The following STT3B variants were observed in gnomAD, a reference collection of about 807,000 sequenced individuals.
STT3B encodes the protein STT3 oligosaccharyltransferase complex catalytic subunit B, also known as dolichyl-diphosphooligosaccharide--protein glycosyltransferase subunit STT3B.
STT3B carries 29 observed loss-of-function variants against 96.8 expected under a neutral mutation model. The observed-to-expected ratio is 0.30, with a 90% CI of 0.22 to 0.41. The LOEUF (loss-of-function observed/expected upper bound fraction) is 0.41. Among genes scored for constraint, STT3B ranks in the 10% least tolerant of loss-of-function variants. STT3B has a pLI of 1.00. For synonymous variants in STT3B, 367 were observed against 360.0 expected, an observed-to-expected ratio of 1.02 and a Z score of -0.22; for missense variants, 640 against 1,022.3, an observed-to-expected ratio of 0.63 and a Z score of 5.10.
chr3:31,607,545 G>A (rs1699080597), intron 5 of STT3B, among the ~76,000 whole-genome samples: 1 of 152,032 alleles, frequency 6.6e-6, no homozygotes, highest in South Asian at 2.1e-4. Flanking sequence ...TTGATTGTGA[G>A]GCCTCCTCAG....
intron 1 of STT3B, among the ~76,000 whole-genome samples, chr3:31,553,060 C>T (rs1697606954): frequency 6.7e-6 from 1 of 149,392 alleles, no homozygotes; most frequent in Admixed American, 6.6e-5. Flanking sequence ...CGAGATCGCG[C>T]CACTGCACTC....
At chr3:31,537,855 A>G (rs528127933) in intron 1 of STT3B, among the ~76,000 whole-genome samples, 4 of 152,208 alleles carry the variant, frequency 2.6e-5, no homozygotes, top group South Asian at 2.1e-4. Flanking sequence ...AAATGTTAAC[A>G]TTTATCTTTA....
chr3:31,541,795 C>T (rs533262817), intron 1 of STT3B, among the ~76,000 whole-genome samples: 225 of 152,168 alleles, frequency 1.5e-3, no homozygotes, highest in African/African-American at 5.3e-3. Context: ...CCAGGATGGT[C>T]TCGAACTCCT....
intron 3 of STT3B, among the ~76,000 whole-genome samples, chr3:31,584,636 G>A (rs1453995191): frequency 1.3e-5 from 2 of 152,028 alleles, no homozygotes; most frequent in South Asian, 2.1e-4. Flanking sequence ...GGATGGAATG[G>A]TAAAACATTC....
intron 5 of STT3B, among the ~76,000 whole-genome samples, chr3:31,608,029 C>T (rs916094376): frequency 2.6e-5 from 4 of 152,092 alleles, no homozygotes; most frequent in African/African-American, 9.7e-5. Flanking sequence ...GTATTGAAAA[C>T]AATAAGAGGC....
chr3:31,628,393 A>AT (rs1699581081), intron 13 of STT3B, among the ~76,000 whole-genome samples: 1 of 152,104 alleles, frequency 6.6e-6, no homozygotes, highest in Non-Finnish European at 1.5e-5. Flanking sequence ...AGTACGTTGC[A>AT]TTTTTTGTGT....
At chr3:31,548,523 G>A (rs1240645146) in intron 1 of STT3B, among the ~76,000 whole-genome samples, 1 of 152,062 alleles carries the variant, frequency 6.6e-6, no homozygotes, top group Admixed American at 6.6e-5. Context: ...TCTCTGAGGA[G>A]TTTAATGCAT....
intron 1 of STT3B, among the ~76,000 whole-genome samples, chr3:31,572,106 A>G (rs1296152630): frequency 1.4e-5 from 2 of 141,702 alleles, no homozygotes; most frequent in Admixed American, 7.2e-5. Flanking sequence ...TATTAAATAT[A>G]TATATTATAT....
At chr3:31,615,309 A>G in intron 6 of STT3B, 106 bp downstream of exon 6, 1 of 777,012 alleles carries the variant, frequency 1.3e-6, no homozygotes, top group South Asian at 1.9e-5. Context: ...TGCAATGACA[A>G]CCAAAGTAAT....
At chr3:31,627,270 C>T (rs1426772829) in intron 13 of STT3B, among the ~76,000 whole-genome samples, 3 of 152,182 alleles carry the variant, frequency 2.0e-5, no homozygotes, top group African/African-American at 7.2e-5. Context: ...CATAGGAGTA[C>T]AAACCCTATC....
At chr3:31,587,456 C>G (rs1698567498) in intron 3 of STT3B, among the ~76,000 whole-genome samples, 3 of 151,950 alleles carry the variant, frequency 2.0e-5, no homozygotes, top group Admixed American at 2.0e-4. Flanking sequence ...ATTGCTCAGG[C>G]TGGTCTTAAA....
intron 1 of STT3B, among the ~76,000 whole-genome samples, chr3:31,541,478 T>TG (rs1160378254): frequency 2.6e-5 from 4 of 151,716 alleles, no homozygotes; most frequent in African/African-American, 9.7e-5. Context: ...TTTTGTTTTT[T>TG]TTTTTTTTTG....
chr3:31,544,490 G>T (rs1439854242), intron 1 of STT3B, among the ~76,000 whole-genome samples: 1 of 152,126 alleles, frequency 6.6e-6, no homozygotes, highest in Non-Finnish European at 1.5e-5. Context: ...TTTAGTTATA[G>T]AATCATTCCA....
chr3:31,579,937 T>C lies in STT3B; in HGVS notation c.552T>C (p.Ser184=). The C allele has an allele frequency of 6.2e-7, 1 of 1,613,962 alleles. No individual in the cohort carries two copies. Among genetic ancestry groups the C allele is most frequent in the Non-Finnish European group, 8.5e-7 (1 of 1,179,876 alleles). The change falls in exon 3 of 16, where the codon TCT becomes TCC. Residue 184 remains serine, a synonymous_variant. Coordinates refer to ENST00000295770, the MANE Select transcript of STT3B (RefSeq NM_178862.3). The part of the protein sequence containing the change: ...APTFSGLTSI[S]TFLLTRELWN... ...CTTTTAGCGGCCTTACATCTATATC[T>C]ACTTTCCTGCTTACAAGAGAACTTT...
At chr3:31,577,033 A>G (rs1175537794) in intron 2 of STT3B, among the ~76,000 whole-genome samples, 1 of 152,024 alleles carries the variant, frequency 6.6e-6, no homozygotes, top group African/African-American at 2.4e-5. Context: ...ACATAAGGAG[A>G]AATGAAGGTG....
In STT3B at chr3:31,633,134, A is replaced by G. The variant is rs1198523742; in HGVS notation, c.2387A>G (p.Tyr796Cys). 4.3e-6 allele frequency: 7 copies of G among 1,613,566 alleles called. No homozygotes were observed. Among genetic ancestry groups the G allele is most frequent in the African/African-American group, 1.3e-5 (1 of 74,892 alleles). Residue 796 changes from tyrosine to cysteine, a missense_variant, in exon 15 of 16, where the codon TAT becomes TGT. Coordinates refer to ENST00000295770, the MANE Select transcript of STT3B (RefSeq NM_178862.3). The stretch of plus-strand genomic sequence containing the variant: ...ACCAACATTTTCCCAAAACAGAAGT[A>G]TTTGTCAAAGAAGGTGGGTGCCAAG... Reference protein sequence around the residue: ...RVTNIFPKQKYLSKKTTKRKR... With the variant: ...RVTNIFPKQKCLSKKTTKRKR...
chr3:31,614,026 A>T (rs1699246859), intron 5 of STT3B, among the ~76,000 whole-genome samples: 1 of 151,934 alleles, frequency 6.6e-6, no homozygotes, highest in African/African-American at 2.4e-5. Flanking sequence ...ATTGTGAGGC[A>T]ACTTAATATT....
chr3:31,575,989 T>A (rs1020539790), intron 1 of STT3B, among the ~76,000 whole-genome samples: 2 of 152,146 alleles, frequency 1.3e-5, no homozygotes, highest in African/African-American at 4.8e-5. Context: ...ATTCTCTTTA[T>A]ATTTTTAGTG....
intron 5 of STT3B, among the ~76,000 whole-genome samples, chr3:31,608,541 G>A (rs1268251796): frequency 2.6e-5 from 4 of 152,096 alleles, no homozygotes; most frequent in Non-Finnish European, 5.9e-5. Context: ...ATTAAAACTC[G>A]GGATATTTAG....
Sources: allele counts gnomAD v4.1 joint callset (sites outside exome capture counted in the v4.1 genomes callset), GRCh38; gene constraint gnomAD v4.1.1; transcripts MANE v1.5; gene names NCBI Gene and HGNC (gene_info 2026-07-23, HGNC 2026-07-21).